The following DCDC1 variants were observed in gnomAD, a reference collection of about 807,000 sequenced individuals.
DCDC1 encodes the protein doublecortin domain containing 1.
Under a neutral mutation model 178.3 loss-of-function variants are expected in DCDC1, and 200 were observed. The observed-to-expected ratio is 1.12, with a 90% CI of 1.00 to 1.26. The LOEUF is 1.26. Ranked by LOEUF, DCDC1 falls within the 50% of genes most tolerant of loss-of-function variation. DCDC1 has a pLI of 0.00. For synonymous variants in DCDC1, 690 were observed against 604.8 expected, an observed-to-expected ratio of 1.14 and a Z score of -2.07; for missense variants, 1,983 against 1,749.2, an observed-to-expected ratio of 1.13 and a Z score of -2.38.
At chr11:31,078,708 T>C (rs1957002715) in intron 17 of DCDC1, among the ~76,000 whole-genome samples, 1 of 152,158 alleles carries the variant, frequency 6.6e-6, no homozygotes, top group South Asian at 2.1e-4. Flanking sequence ...CATCCAGTTA[T>C]GTAAAAGAAT....
rs1945088971 is a variant in DCDC1 at position 30,906,696 on chromosome 11, C to G, written c.3948G>C (p.Lys1316Asn). The change falls in exon 30 of 39, where the codon AAG becomes AAC. Residue 1316 changes from lysine to asparagine, a missense_variant. Physicochemically the swap from Lys to Asn is moderately conservative, Grantham distance 94. Transcript: ENST00000684477. Reference protein sequence around the residue: ...PGYCYLSPDGKRKTMLCLACG... With the variant: ...PGYCYLSPDGNRKTMLCLACG... ...AAGCCAAGCAGAGCATAGTTTTTCT[C>G]TTTCCATCAGGTGAGAGATAACAGT... 6.2e-7 allele frequency: 1 copy of G among 1,613,380 alleles called. No homozygotes were observed. Among genetic ancestry groups the G allele is most frequent in the African/African-American group, 1.3e-5 (1 of 74,888 alleles).
chr11:30,906,826 C>A, intron 29 of DCDC1, 101 bp from the exon 30 acceptor site: 1 of 1,022,308 alleles, frequency 9.8e-7, no homozygotes, highest in East Asian at 2.9e-5. Flanking sequence ...TTTAACACCC[C>A]AAAATGCTAA....
rs748892336 is a variant in DCDC1 at position 31,048,782 on chromosome 11, G to A, written c.2591+15687C>T. On this transcript the variant is annotated intron_variant, in intron 20 of 38. Transcript: ENST00000684477. The stretch of plus-strand genomic sequence containing the variant: ...TGAGGCAGGAGAACGGCGTGAACCC[G>A]GGAGGCGGGGCTTGCAGTCCGCTGA... 2.0e-5 allele frequency among the ~76,000 whole-genome samples: 3 copies of A among 152,140 alleles called. 1 individual carries two copies. In the South Asian group the frequency reaches 6.2e-4, roughly 31 times the overall value.
intron 6 of DCDC1, among the ~76,000 whole-genome samples, chr11:31,299,898 G>C (rs190305086): frequency 6.6e-6 from 1 of 151,786 alleles, no homozygotes; most frequent in African/African-American, 2.4e-5. Context: ...TCGCTCTGTC[G>C]CCAAGCTGGA....
At position 31,304,362 on chromosome 11, in the gene DCDC1, C is replaced by T. The variant is rs563663258; in HGVS notation, c.754+1253G>A. 2.6e-5 allele frequency among the ~76,000 whole-genome samples: 4 copies of T among 152,104 alleles called. No homozygotes were observed. In the South Asian group the frequency reaches 6.2e-4, roughly 24 times the overall value. On this transcript the variant is annotated intron_variant, in intron 6 of 38. Transcript: ENST00000684477. ...TTTTAAAGTCACAGAAAAGTATTTG[C>T]CCACTACGACCCATGTTTTTATATA...
At chr11:31,121,930 T>C (rs1960872648) in intron 11 of DCDC1, among the ~76,000 whole-genome samples, 1 of 152,176 alleles carries the variant, frequency 6.6e-6, no homozygotes, top group East Asian at 1.9e-4. Flanking sequence ...ATGGAAAATA[T>C]ATTTGTTTAT....
chr11:31,298,930 A>G (rs548755341), intron 6 of DCDC1, among the ~76,000 whole-genome samples: 80 of 152,350 alleles, frequency 5.3e-4, no homozygotes, highest in Non-Finnish European at 1.1e-3. Flanking sequence ...TGAAAACACA[A>G]CACTCTGACT....
In DCDC1 at chr11:31,120,303, C is replaced by T. The variant is rs980763927; in HGVS notation, c.1485+7166G>A. ...ATGAATCTTGTTATTATCCAGGTTA[C>T]TAAATTCCACCATATTTCTCTTGCT... On this transcript the variant is annotated intron_variant, in intron 11 of 38. Transcript: ENST00000684477. Among the ~76,000 whole-genome samples, 7 of 152,102 alleles carry T rather than the reference C, an allele frequency of 4.6e-5. No individual in the cohort carries two copies. In the East Asian group the frequency reaches 1.4e-3, roughly 29 times the overall value.
At chr11:31,179,644 A>G (rs891363281) in intron 9 of DCDC1, among the ~76,000 whole-genome samples, 2 of 152,190 alleles carry the variant, frequency 1.3e-5, no homozygotes, top group African/African-American at 4.8e-5. Context: ...CAAAGAGAGA[A>G]GAACAGTAGT....
At chr11:30,973,302 C>T (rs1949917376) in intron 20 of DCDC1, among the ~76,000 whole-genome samples, 2 of 150,782 alleles carry the variant, frequency 1.3e-5, no homozygotes, top group East Asian at 3.9e-4. Context: ...GTAGCATCTC[C>T]CCCCTCTCTC....
At chr11:31,299,173 G>A (rs539780135) in intron 6 of DCDC1, among the ~76,000 whole-genome samples, 27 of 152,086 alleles carry the variant, frequency 1.8e-4, no homozygotes, top group African/African-American at 5.8e-4. Flanking sequence ...AAATACTTGC[G>A]CTCTTTGTTT....
intron 20 of DCDC1, among the ~76,000 whole-genome samples, chr11:31,022,561 G>A (rs1952942488): frequency 6.7e-6 from 1 of 149,658 alleles, no homozygotes; most frequent in African/African-American, 2.5e-5. Flanking sequence ...CTCATTTTTA[G>A]TTTGATTCCC....
At chr11:30,933,293 T>C (rs1947058733) in intron 21 of DCDC1, among the ~76,000 whole-genome samples, 1 of 152,040 alleles carries the variant, frequency 6.6e-6, no homozygotes, top group Non-Finnish European at 1.5e-5. Context: ...TTTGGTTAGT[T>C]TTTTTAAAAG....
chr11:31,348,196 T>C (rs183865632), intron 1 of DCDC1, among the ~76,000 whole-genome samples: 1 of 152,348 alleles, frequency 6.6e-6, no homozygotes, highest in Non-Finnish European at 1.5e-5. Context: ...CATCAAAATT[T>C]CTTACAAATT....
At chr11:31,327,993 G>A in intron 3 of DCDC1, 124 bp downstream of exon 3, 3 of 973,364 alleles carry the variant, frequency 3.1e-6, no homozygotes, top group Non-Finnish European at 2.7e-6. Flanking sequence ...GCCTCCCAAA[G>A]TGCTGGGATT....
At chr11:30,941,382 C>T (rs1463440264) in intron 21 of DCDC1, among the ~76,000 whole-genome samples, 3 of 152,128 alleles carry the variant, frequency 2.0e-5, no homozygotes, top group Admixed American at 6.5e-5. Context: ...TGATCAGTAC[C>T]TCCTATTTTC....
At chr11:31,367,650 T>C (rs561343818) in intron 1 of DCDC1, among the ~76,000 whole-genome samples, 53 of 152,324 alleles carry the variant, frequency 3.5e-4, no homozygotes, top group Admixed American at 2.7e-3. Flanking sequence ...CTAGTTCAAA[T>C]TGAGGTGTGT....
chr11:31,351,297 T>G (rs1196886546), intron 1 of DCDC1, among the ~76,000 whole-genome samples: 1 of 152,142 alleles, frequency 6.6e-6, no homozygotes, highest in Non-Finnish European at 1.5e-5. Context: ...CTCTGGCATA[T>G]TTATTTCTTT....
chr11:31,004,646 C>A (rs112899636), intron 20 of DCDC1, among the ~76,000 whole-genome samples: 1 of 144,820 alleles, frequency 6.9e-6, no homozygotes, highest in African/African-American at 2.6e-5. Flanking sequence ...CGCGCCACTG[C>A]ACTCCAGCCT....
Sources: allele counts gnomAD v4.1 joint callset (sites outside exome capture counted in the v4.1 genomes callset), GRCh38; gene constraint gnomAD v4.1.1; transcripts MANE v1.5; gene names NCBI Gene and HGNC (gene_info 2026-07-23, HGNC 2026-07-21).